Variants in POLR2J observed in about 807,000 individuals in gnomAD.
POLR2J encodes the protein DNA-directed RNA polymerase II subunit RPB11-a.
A neutral mutation model predicts 13.4 loss-of-function variants in POLR2J; 12 were observed. That is an observed-to-expected ratio of 0.90 (90% CI 0.57 to 1.45). The LOEUF (loss-of-function observed/expected upper bound fraction) is 1.45. Ranked by LOEUF, POLR2J falls within the 40% of genes most tolerant of loss-of-function variation. The pLI is 0.00. For missense variants in POLR2J, 58 were observed against 132.0 expected, an observed-to-expected ratio of 0.44 and a Z score of 2.75; for synonymous variants, 31 against 53.6, an observed-to-expected ratio of 0.58 and a Z score of 1.84.
At position 102,473,211 on chromosome 7, in the gene POLR2J, C is replaced by T; in HGVS notation, c.*438G>A. On this transcript the variant is annotated 3_prime_UTR_variant, in exon 4 of 4. Transcript: ENST00000292614. ...TCGAGTTATGCAGGAAGAAGTGTTC[C>T]TGCTTTGACTGACAGGCAGGCCCAG... 1.2e-6 allele frequency: 1 copy of T among 844,966 alleles called. No homozygotes were observed. The highest frequency in any genetic ancestry group is 1.8e-6 in the Non-Finnish European group (1 of 562,894). 52.3% of individuals were successfully genotyped at this position (844,966 alleles called of 1,614,324 possible). A position where few individuals can be genotyped will look rare whatever the true frequency, so the allele number is the denominator to read the frequency against.
chr7:102,478,490 G>C (rs962449571), intron 1 of POLR2J, among the ~76,000 whole-genome samples: 1 of 152,074 alleles, frequency 6.6e-6, no homozygotes, highest in African/African-American at 2.4e-5. Context: ...GGTGGCGGGC[G>C]AGAGACAAAA....
At position 102,476,169 on chromosome 7, in the gene POLR2J, CG is replaced by C; in HGVS notation, c.143+11del. 1 of 880,256 alleles carries C rather than the reference CG, an allele frequency of 1.1e-6. No individual in the cohort carries two copies. Among genetic ancestry groups the C allele is most frequent in the Non-Finnish European group, 1.8e-6 (1 of 569,944 alleles). 54.5% of individuals were successfully genotyped at this position (880,256 alleles called of 1,614,324 possible). Reference sequence around the variant, plus strand: ...AAACACAGCCCCTGAGAGCCTGTGACGGGAAACTTACGATTTAATGATGTTT... The same window carrying C: ...AAACACAGCCCCTGAGAGCCTGTGACGGAAACTTACGATTTAATGATGTTT... On this transcript the variant is annotated intron_variant, in intron 2 of 3. Transcript: ENST00000292614.
At chr7:102,475,937 C>CAAAA (rs149096965) in intron 2 of POLR2J, among the ~76,000 whole-genome samples, 1,046 of 79,176 alleles carry the variant, frequency 0.013, 14 homozygotes, top group Middle Eastern at 0.046. Context: ...AACAAACAAA[C>CAAAA]AAACAGTGAA....
chr7:102,475,554 G>A (rs1586750717), intron 2 of POLR2J, among the ~76,000 whole-genome samples: 2 of 152,178 alleles, frequency 1.3e-5, no homozygotes, highest in East Asian at 1.9e-4. Context: ...GCTTTTCAAT[G>A]CCCCTCAGCA....
intron 3 of POLR2J, chr7:102,473,939 C>G: frequency 1.4e-6 from 2 of 1,434,756 alleles, no homozygotes; most frequent in Non-Finnish European, 1.8e-6. Context: ...ATCCCCCAAG[C>G]TGTGGCTCTT....
intron 3 of POLR2J, chr7:102,474,153 G>A (rs1586748856): frequency 1.3e-6 from 2 of 1,530,016 alleles, no homozygotes; most frequent in East Asian, 2.4e-5. Context: ...CACTACAGAA[G>A]TCCCATGGGG....
rs573785508 is a variant in POLR2J at position 102,478,534 on chromosome 7, A to G, written c.53+274T>C. The stretch of plus-strand genomic sequence containing the variant: ...TGCCAGATCCCAGAGGAAAAGGGCT[A>G]TGGAGAACCAGACACTCTGGGTTCG... On this transcript the variant is annotated intron_variant, in intron 1 of 3. Coordinates refer to ENST00000292614, the MANE Select transcript of POLR2J (RefSeq NM_006234.6). 1.4e-4 allele frequency among the ~76,000 whole-genome samples: 22 copies of G among 152,084 alleles called. No individual in the cohort carries two copies. In the East Asian group the frequency reaches 3.9e-3, roughly 27 times the overall value.
At chr7:102,477,817 C>A (rs1262202908) in intron 1 of POLR2J, among the ~76,000 whole-genome samples, 7 of 61,806 alleles carry the variant, frequency 1.1e-4, no homozygotes, top group Admixed American at 4.9e-4. Context: ...TTACCTCATC[C>A]AATTCTTTTT....
At chr7:102,478,668 TAA>T in intron 1 of POLR2J, 138 bp downstream of exon 1, 2 of 1,463,722 alleles carry the variant, frequency 1.4e-6, no homozygotes, top group South Asian at 2.7e-5. Flanking sequence ...GGAACGGCCT[TAA>T]ATTTGGCTGA....
chr7:102,474,797 G>A (rs552641700), intron 2 of POLR2J, among the ~76,000 whole-genome samples: 1,524 of 134,828 alleles, frequency 0.011, 20 homozygotes, highest in African/African-American at 0.038. Context: ...ACCGGGCACC[G>A]CAGTGCTGGC....
At chr7:102,475,740 A>G (rs551022924) in intron 2 of POLR2J, among the ~76,000 whole-genome samples, 10 of 151,782 alleles carry the variant, frequency 6.6e-5, no homozygotes, top group East Asian at 1.9e-4. Flanking sequence ...TGGCCAACAC[A>G]GTGAATCCCC....
In POLR2J at chr7:102,478,810, C is replaced by A; in HGVS notation, c.51G>T (p.Lys17Asn). Residue 17 changes from lysine to asparagine, a missense_variant and splice_region_variant, in exon 1 of 4, where the codon AAG becomes AAT. By Grantham distance (94) the Lys-to-Asn change is moderately conservative (BLOSUM62 0). This residue lies in a region of POLR2J where 23 missense variants were observed against 52.6 expected (regional missense o/e 0.44). Coordinates refer to ENST00000292614, the MANE Select transcript of POLR2J (RefSeq NM_006234.6). ...FESFLLFEGE[K>N]KITINKDTKV... ...CCGCCGCAGCCGGCGTCACTTACTT[C>A]TTCTCGCCCTCGAAGAGCAAGAACG... The A allele has an allele frequency of 6.2e-7, 1 of 1,610,864 alleles. No homozygotes were observed. Among genetic ancestry groups the A allele is most frequent in the Non-Finnish European group, 8.5e-7 (1 of 1,179,696 alleles).
At position 102,473,468 on chromosome 7, in the gene POLR2J, A is replaced by ATACT. The variant is rs149032417; in HGVS notation, c.*177_*180dup. On this transcript the variant is annotated 3_prime_UTR_variant, in exon 4 of 4. Transcript: ENST00000292614. Reference sequence around the variant, plus strand: ...AGTCCACATCCAGGTCTCTCCCGCTATACTTTATTAGGAATATAAAACCTA... The same window carrying ATACT: ...AGTCCACATCCAGGTCTCTCCCGCTATACTTACTTTATTAGGAATATAAAACCTA... The ATACT allele has an allele frequency of 3.3e-3, 2,826 of 861,872 alleles. 62 individuals carry two copies. In the African/African-American group the frequency reaches 0.044, roughly 13 times the overall value. The allele number at this position is 861,872 out of a possible 1,614,324, so 53.4% of individuals were successfully genotyped here.
At position 102,474,382 on chromosome 7, in the gene POLR2J, G is replaced by GGACAGCTCACTGATGA. The variant is rs754894242; in HGVS notation, c.281_296dup (p.Leu100HisfsTer3). 6.2e-7 allele frequency: 1 copy of GGACAGCTCACTGATGA among 1,611,682 alleles called. No homozygotes were observed. ...TCACCCGAAAGCGCTCCTCCAGCAG[G>GGACAGCTCACTGATGA]GACAGCTCACTGATGAGGTCGGTGA... On this transcript the variant is annotated stop_gained and frameshift_variant, in exon 3 of 4. Transcript: ENST00000292614. LOFTEE classifies it high-confidence loss of function.
rs759722004 is a variant in POLR2J, at chr7:102,473,724, C to T, written c.319-40G>A. 12 of 1,613,062 alleles carry T rather than the reference C, an allele frequency of 7.4e-6. No homozygotes were observed. The South Asian group carries it at 1.2e-4, about 16-fold the overall frequency. On this transcript the variant is annotated intron_variant, in intron 3 of 3. Coordinates refer to ENST00000292614, the MANE Select transcript of POLR2J (RefSeq NM_006234.6). ...GGTGGTGGAGACTGAGCTGGAACAG[C>T]TGGGGCAAGGACGCTGGAAACACAT...
In POLR2J at chr7:102,474,977, G is replaced by A. The variant is rs938211878; in HGVS notation, c.144-442C>T. On this transcript the variant is annotated intron_variant, in intron 2 of 3. Transcript: ENST00000292614. The stretch of plus-strand genomic sequence containing the variant: ...TGCCCTCCGAGCAGCACAGCTGCCA[G>A]CGGCTGGCCACGCACACTGGGCCTT... 2.7e-5 allele frequency among the ~76,000 whole-genome samples: 4 copies of A among 150,216 alleles called. No homozygotes were observed. The South Asian group carries it at 6.4e-4, about 24-fold the overall frequency.
At chr7:102,475,235 C>G (rs1363923929) in intron 2 of POLR2J, among the ~76,000 whole-genome samples, 1 of 152,272 alleles carries the variant, frequency 6.6e-6, no homozygotes. Flanking sequence ...GCAGACCCCA[C>G]TCACAGACGG....
At position 102,473,484 on chromosome 7, in the gene POLR2J, A is replaced by G. The variant is rs1318129792; in HGVS notation, c.*165T>C. On this transcript the variant is annotated 3_prime_UTR_variant, in exon 4 of 4. Coordinates refer to ENST00000292614, the MANE Select transcript of POLR2J (RefSeq NM_006234.6). ...TCTCCCGCTATACTTTATTAGGAAT[A>G]TAAAACCTAATCTATGTACAGGACA... 1.2e-6 allele frequency: 1 copy of G among 860,528 alleles called. No homozygotes were observed. Among genetic ancestry groups the G allele is most frequent in the Non-Finnish European group, 1.6e-6 (1 of 629,132 alleles). The allele number at this position is 860,528 out of a possible 1,614,324, so 53.3% of individuals were successfully genotyped here.
chr7:102,473,823 C>T (rs991679846), intron 3 of POLR2J, 139 bp from the exon 4 acceptor site: 3 of 1,470,852 alleles, frequency 2.0e-6, no homozygotes, highest in Non-Finnish European at 1.8e-6. Flanking sequence ...GTGGAGCAGC[C>T]AAAGGGCCCT....
Sources: allele counts gnomAD v4.1 joint callset (sites outside exome capture counted in the v4.1 genomes callset), GRCh38; gene constraint gnomAD v4.1.1; regional missense constraint gnomAD v4.1.1; transcripts MANE v1.5; gene names NCBI Gene and HGNC (gene_info 2026-07-23, HGNC 2026-07-21).